Variants in SNX5 observed in about 807,000 individuals in gnomAD.
SNX5 encodes sorting nexin-5.
SNX5 carries 31 observed loss-of-function variants against 53.9 expected under a neutral mutation model. That is an observed-to-expected ratio of 0.58 (90% CI 0.43 to 0.78). The LOEUF (loss-of-function observed/expected upper bound fraction) is 0.78. Ranked by LOEUF, SNX5 falls within the 30% of genes least tolerant of loss-of-function variation. SNX5 has a pLI of 0.00. For synonymous variants in SNX5, 168 were observed against 171.1 expected, an observed-to-expected ratio of 0.98 and a Z score of 0.14; for missense variants, 471 against 478.8, an observed-to-expected ratio of 0.98 and a Z score of 0.15.
At chr20:17,952,394 A>G (rs1297092023) in intron 5 of SNX5, among the ~76,000 whole-genome samples, 193 bp downstream of exon 5, 1 of 152,172 alleles carries the variant, frequency 6.6e-6, no homozygotes, top group East Asian at 1.9e-4. Context: ...TAGGTTTTGG[A>G]AGGGGAAAGA....
chr20:17,967,433 G>A (rs936890837), intron 1 of SNX5, among the ~76,000 whole-genome samples: 34 of 152,182 alleles, frequency 2.2e-4, no homozygotes, highest in African/African-American at 8.2e-4. Context: ...GAACAATCCA[G>A]CCGCTTTGAA....
intron 11 of SNX5, among the ~76,000 whole-genome samples, chr20:17,946,673 C>T (rs897616547): frequency 7.9e-5 from 12 of 152,158 alleles, no homozygotes; most frequent in African/African-American, 2.7e-4. Context: ...TTTCTGCAAT[C>T]GTCAGAGTAA....
intron 1 of SNX5, among the ~76,000 whole-genome samples, chr20:17,958,425 T>TG (rs2122399516): frequency 6.6e-6 from 1 of 152,322 alleles, no homozygotes; most frequent in African/African-American, 2.4e-5. Context: ...ATGGATTACT[T>TG]AAGTTTCAAG....
At chr20:17,964,886 C>T (rs761297163) in intron 1 of SNX5, among the ~76,000 whole-genome samples, 7 of 152,198 alleles carry the variant, frequency 4.6e-5, no homozygotes, top group Non-Finnish European at 8.8e-5. Context: ...AAAGCCTACA[C>T]TCACAAACAC....
Position 17,957,030 on chromosome 20 carries a change from G to C in SNX5, c.59C>G (p.Ser20Cys). The C allele has an allele frequency of 6.3e-7, 1 of 1,576,616 alleles. No individual in the cohort carries two copies. Among genetic ancestry groups the C allele is most frequent in the Non-Finnish European group, 8.7e-7 (1 of 1,145,774 alleles). ...ATCAACATTCAGGTCCACAGATACAGATCTCAGCTGAAATACATTTTTTGC... is the reference window on the plus strand; with the variant it reads ...ATCAACATTCAGGTCCACAGATACACATCTCAGCTGAAATACATTTTTTGC... ...QQEEDRSKLR[S>C]VSVDLNVDPS... The change falls in exon 2 of 13, where the codon TCT becomes TGT. Residue 20 changes from serine to cysteine, a missense_variant. Coordinates refer to ENST00000377759, the MANE Select transcript of SNX5 (RefSeq NM_014426.4).
chr20:17,943,091 A>T lies in SNX5; in HGVS notation c.1164+19T>A, dbSNP rs755657516. ...AAAAACCATAAAAGATGTTGGCTTC[A>T]TCTGTAGAAAACACTTACCCTGGCA... On this transcript the variant is annotated intron_variant, in intron 12 of 12. Transcript: ENST00000377759. The T allele has an allele frequency of 2.1e-5, 31 of 1,505,306 alleles. No homozygotes were observed. The highest frequency in any genetic ancestry group is 5.5e-5 in the African/African-American group (4 of 72,696). The allele number at this position is 1,505,306 out of a possible 1,614,324, so 93.2% of individuals were successfully genotyped here.
At chr20:17,946,218 GCAA>G (rs1459719333) in intron 11 of SNX5, among the ~76,000 whole-genome samples, 3 of 152,212 alleles carry the variant, frequency 2.0e-5, no homozygotes, top group Non-Finnish European at 4.4e-5. Flanking sequence ...GCATGTGTGT[GCAA>G]CGGCATATGT....
chr20:17,948,994 G>T lies in SNX5; in HGVS notation c.832-18C>A. The stretch of plus-strand genomic sequence containing the variant: ...TCTACTTTCTATATAGAAAAGGAAA[G>T]GTCACCATCAAGGCAGAAAGCTATA... On this transcript the variant is annotated intron_variant, in intron 9 of 12. Transcript: ENST00000377759. 6.2e-7 allele frequency: 1 copy of T among 1,610,874 alleles called. No individual in the cohort carries two copies. The highest frequency in any genetic ancestry group is 8.5e-7 in the Non-Finnish European group (1 of 1,178,194).
In SNX5 at chr20:17,951,293, T is replaced by C. The variant is rs138418071; in HGVS notation, c.609+207A>G. The C allele has an allele frequency of 3.2e-3, 1,694 of 535,476 alleles. 19 individuals carry two copies. Among genetic ancestry groups the C allele is most frequent in the African/African-American group, 0.027 (1,414 of 52,622 alleles). The allele number at this position is 535,476 out of a possible 1,614,324, so 33.2% of individuals were successfully genotyped here. On this transcript the variant is annotated intron_variant, in intron 6 of 12. Transcript: ENST00000377759. The stretch of plus-strand genomic sequence containing the variant: ...GAAAATGAAGCCAAGTGTGGAAAGG[T>C]TCAAGTTGCTTCTCCTGGGACAGAA...
chr20:17,955,242 TCCAG>T, intron 3 of SNX5, 119 bp downstream of exon 3: 1 of 659,390 alleles, frequency 1.5e-6, no homozygotes, highest in East Asian at 2.8e-5. Flanking sequence ...CAGCAAATAC[TCCAG>T]TAGGTAGATG....
chr20:17,946,447 T>G (rs954416185), intron 11 of SNX5, among the ~76,000 whole-genome samples: 3 of 152,216 alleles, frequency 2.0e-5, no homozygotes, highest in Admixed American at 6.5e-5. Context: ...TACAACCACA[T>G]GCCAGCTTAA....
In SNX5 at chr20:17,968,559, G is replaced by A. The variant is rs1288458231; in HGVS notation, c.-134C>T. 4.9e-6 allele frequency: 4 copies of A among 814,972 alleles called. No individual in the cohort carries two copies. The highest frequency in any genetic ancestry group is 7.4e-6 in the Non-Finnish European group (4 of 539,520). 50.5% of individuals were successfully genotyped at this position (814,972 alleles called of 1,614,324 possible). ...CCGCCGGCCTCCCTGCCCGACGGCGGCAGGAGGCCTCCGGACTCCGCCACC... is the reference window on the plus strand; with the variant it reads ...CCGCCGGCCTCCCTGCCCGACGGCGACAGGAGGCCTCCGGACTCCGCCACC... On this transcript the variant is annotated 5_prime_UTR_variant, in exon 1 of 13. Coordinates refer to ENST00000377759, the MANE Select transcript of SNX5 (RefSeq NM_014426.4).
At chr20:17,948,295 A>G (rs1403201618) in intron 10 of SNX5, among the ~76,000 whole-genome samples, 3 of 152,270 alleles carry the variant, frequency 2.0e-5, no homozygotes, top group Admixed American at 2.0e-4. Flanking sequence ...GCTATTAAAA[A>G]AGTATGTTTT....
In SNX5 at chr20:17,951,458, G is replaced by T. The variant is rs180847305; in HGVS notation, c.609+42C>A. The T allele has an allele frequency of 3.3e-6, 4 of 1,211,844 alleles. No homozygotes were observed. In the South Asian group the frequency reaches 3.7e-5, roughly 11 times the overall value. 75.1% of individuals were successfully genotyped at this position (1,211,844 alleles called of 1,614,324 possible). A position where few individuals can be genotyped will look rare whatever the true frequency, so the allele number is the denominator to read the frequency against. On this transcript the variant is annotated intron_variant, in intron 6 of 12. Coordinates refer to ENST00000377759, the MANE Select transcript of SNX5 (RefSeq NM_014426.4). The stretch of plus-strand genomic sequence containing the variant: ...AAGAAACAAAAGGTCACCTATTCCC[G>T]ATGAAGTAAAAAATTTTCTCCAACA...
rs1284518134 is a variant in SNX5 at position 17,950,219 on chromosome 20, AG to A, written c.716-13del. On this transcript the variant is annotated splice_polypyrimidine_tract_variant and intron_variant, in intron 7 of 12. Coordinates refer to ENST00000377759, the MANE Select transcript of SNX5 (RefSeq NM_014426.4). ...GTCATCGGCAACATCTGCAGAAACA[AG>A]GACAAGTCTTTTTATCCAAACACAG... is the stretch of plus-strand genomic sequence containing the variant. 1 of 1,614,056 alleles carries A rather than the reference AG, an allele frequency of 6.2e-7. No individual in the cohort carries two copies. Among genetic ancestry groups the A allele is most frequent in the Admixed American group, 1.7e-5 (1 of 60,006 alleles).
intron 1 of SNX5, among the ~76,000 whole-genome samples, chr20:17,967,264 T>C (rs996522406): frequency 1.1e-4 from 16 of 152,060 alleles, no homozygotes; most frequent in African/African-American, 3.6e-4. Context: ...CTACCCTTTA[T>C]GGAGAAAAGT....
In SNX5 at chr20:17,941,774, G is replaced by A. The variant is rs1315465166; in HGVS notation, c.*583C>T. The A allele has an allele frequency of 6.6e-6, 1 of 152,598 alleles. No homozygotes were observed. The highest frequency in any genetic ancestry group is 6.5e-5 in the Admixed American group (1 of 15,314). 9.5% of individuals were successfully genotyped at this position (152,598 alleles called of 1,614,324 possible). A position where few individuals can be genotyped will look rare whatever the true frequency, so the allele number is the denominator to read the frequency against. On this transcript the variant is annotated 3_prime_UTR_variant, in exon 13 of 13. Coordinates refer to ENST00000377759, the MANE Select transcript of SNX5 (RefSeq NM_014426.4). ...TTATTTGTTTCCATATATACCTGTAGATATTTCTCTCCCCTCAAATATTTA... is the reference window on the plus strand; with the variant it reads ...TTATTTGTTTCCATATATACCTGTAAATATTTCTCTCCCCTCAAATATTTA...
In SNX5 at chr20:17,967,217, GA is replaced by G. The variant is rs147296100; in HGVS notation, c.51+1157del. Among the ~76,000 whole-genome samples, 729 of 151,922 alleles carry G rather than the reference GA, an allele frequency of 4.8e-3. 22 individuals carry two copies. In the East Asian group the frequency reaches 0.075, roughly 16 times the overall value. ...GCTAAAAGAATGTACCAGAAAGAAA[GA>G]AAAAATAAAATGCTACCAAAATCCC... On this transcript the variant is annotated intron_variant, in intron 1 of 12. Coordinates refer to ENST00000377759, the MANE Select transcript of SNX5 (RefSeq NM_014426.4).
chr20:17,949,127 GT>G, intron 8 of SNX5, 24 bp from the exon 9 acceptor site: 1 of 1,606,794 alleles, frequency 6.2e-7, no homozygotes, highest in Non-Finnish European at 8.5e-7. Flanking sequence ...TATAATTTTG[GT>G]TTAAGGTCTT....
Sources: gnomAD v4.1 joint callset for allele counts (sites outside exome capture counted in the v4.1 genomes callset) on GRCh38, gnomAD v4.1.1 for gene constraint, MANE v1.5 for transcripts, NCBI Gene and HGNC (gene_info 2026-07-23, HGNC 2026-07-21) for gene names.